The following SGCZ variants were observed in gnomAD, a reference collection of about 807,000 sequenced individuals.
SGCZ encodes the protein zeta-sarcoglycan.
Under a neutral mutation model 41.3 loss-of-function variants are expected in SGCZ, and 40 were observed. The observed-to-expected ratio is 0.97, with a 90% confidence interval of 0.75 to 1.26. The LOEUF (loss-of-function observed/expected upper bound fraction) is 1.26, where lower values mean the gene tolerates loss of function less well. Ranked by LOEUF, SGCZ falls within the 50% of genes most tolerant of loss-of-function variation. SGCZ has a pLI of 0.00. For synonymous variants in SGCZ, 206 were observed against 137.5 expected, an observed-to-expected ratio of 1.50 and a Z score of -3.49; for missense variants, 552 against 369.8, an observed-to-expected ratio of 1.49 and a Z score of -4.04.
chr8:14,416,531 C>G (rs893687806), intron 2 of SGCZ, among the ~76,000 whole-genome samples: 1 of 151,580 alleles, frequency 6.6e-6, no homozygotes, highest in Non-Finnish European at 1.5e-5. Context: ...CAGATGCCTC[C>G]GACAGAGAAA....
At chr8:14,454,523 T>C (rs958252231) in intron 2 of SGCZ, among the ~76,000 whole-genome samples, 2 of 152,030 alleles carry the variant, frequency 1.3e-5, no homozygotes, top group African/African-American at 4.8e-5. Context: ...ATACCAATAA[T>C]CTATATTAGG....
chr8:14,468,960 A>T (rs771150963), intron 2 of SGCZ, among the ~76,000 whole-genome samples: 3 of 152,102 alleles, frequency 2.0e-5, no homozygotes, highest in Non-Finnish European at 4.4e-5. Context: ...ATCCTAATTG[A>T]ATCTACTGTT....
At chr8:14,850,850 T>C (rs1335253049) in intron 1 of SGCZ, among the ~76,000 whole-genome samples, 1 of 152,192 alleles carries the variant, frequency 6.6e-6, no homozygotes, top group Non-Finnish European at 1.5e-5. Flanking sequence ...TTCTCCTTCC[T>C]GCCACCTTCT....
intron 1 of SGCZ, among the ~76,000 whole-genome samples, chr8:14,849,148 A>T (rs868773901): frequency 6.6e-6 from 1 of 152,158 alleles, no homozygotes; most frequent in Non-Finnish European, 1.5e-5. Context: ...ATACTAGAAT[A>T]TCTAAAATTA....
intron 2 of SGCZ, among the ~76,000 whole-genome samples, chr8:14,431,881 C>T (rs1799951957): frequency 6.6e-6 from 1 of 152,114 alleles, no homozygotes; most frequent in African/African-American, 2.4e-5. Context: ...TATGAATACA[C>T]AGTTCTTAAA....
chr8:14,975,955 CAT>C (rs746324097), intron 1 of SGCZ, among the ~76,000 whole-genome samples: 1 of 144,688 alleles, frequency 6.9e-6, no homozygotes, highest in Non-Finnish European at 1.5e-5. Flanking sequence ...TTTCCATAAA[CAT>C]ATATATGTGT....
At chr8:14,652,555 G>T (rs1015962606) in intron 1 of SGCZ, among the ~76,000 whole-genome samples, 1 of 151,700 alleles carries the variant, frequency 6.6e-6, no homozygotes, top group Non-Finnish European at 1.5e-5. Flanking sequence ...AGTGAATTCC[G>T]ACAGCAAGAA....
chr8:14,736,925 G>A (rs754066316), intron 1 of SGCZ, among the ~76,000 whole-genome samples: 6 of 151,826 alleles, frequency 4.0e-5, no homozygotes, highest in Non-Finnish European at 7.4e-5. Flanking sequence ...ACTTGCACAT[G>A]CATGTTTATA....
intron 1 of SGCZ, among the ~76,000 whole-genome samples, chr8:14,923,910 G>A (rs1799666776): frequency 1.3e-5 from 2 of 152,172 alleles, no homozygotes; most frequent in African/African-American, 4.8e-5. Context: ...CAAGGGATTT[G>A]AGATTCAACA....
intron 1 of SGCZ, among the ~76,000 whole-genome samples, chr8:14,851,989 T>C (rs531572608): frequency 1.3e-5 from 2 of 152,330 alleles, no homozygotes; most frequent in African/African-American, 4.8e-5. Context: ...CTTTGACCTT[T>C]GTTTTTTTCC....
intron 1 of SGCZ, among the ~76,000 whole-genome samples, chr8:14,562,582 G>T (rs559409120): frequency 6.6e-6 from 1 of 152,144 alleles, no homozygotes; most frequent in East Asian, 1.9e-4. Context: ...TGACACCTGA[G>T]ATGAGACTAA....
Position 14,087,712 on chromosome 8 carries a change from T to C in SGCZ, c.*2731A>G, listed in dbSNP as rs1457178949. On this transcript the variant is annotated 3_prime_UTR_variant, in exon 8 of 8. Transcript: ENST00000382080. Reference sequence around the variant, plus strand: ...TGTGCAATTAAGGGACCACTATATTTTTAAAAAAAAAAAAATGCTTTTTTG... The same window carrying C: ...TGTGCAATTAAGGGACCACTATATTCTTAAAAAAAAAAAAATGCTTTTTTG... 7.4e-6 allele frequency among the ~76,000 whole-genome samples: 1 copy of C among 134,974 alleles called. No individual in the cohort carries two copies. The highest frequency in any genetic ancestry group is 1.6e-5 in the Non-Finnish European group (1 of 62,006). 88.5% of individuals were successfully genotyped at this position (134,974 alleles called of 152,430 possible).
In SGCZ at chr8:14,807,176, C is replaced by G. The variant is rs376531903; in HGVS notation, c.40-252250G>C. Among the ~76,000 whole-genome samples, 34 of 151,866 alleles carry G rather than the reference C, an allele frequency of 2.2e-4. No individual in the cohort carries two copies. The East Asian group carries it at 2.7e-3, about 12-fold the overall frequency. On this transcript the variant is annotated intron_variant, in intron 1 of 7. Coordinates refer to ENST00000382080, the MANE Select transcript of SGCZ (RefSeq NM_139167.4). ...TCCCTTTGAAAACTGGCACAAGACA[C>G]GGATGCCCTCTCTCACCACTCCTAT...
chr8:14,516,419 C>T (rs1281205297), intron 2 of SGCZ, among the ~76,000 whole-genome samples: 1 of 151,830 alleles, frequency 6.6e-6, no homozygotes, highest in African/African-American at 2.4e-5. Context: ...GGTGAAAATC[C>T]AAAATAAAAT....
intron 1 of SGCZ, among the ~76,000 whole-genome samples, chr8:15,054,551 C>T (rs1804633345): frequency 6.6e-6 from 1 of 152,138 alleles, no homozygotes; most frequent in Non-Finnish European, 1.5e-5. Flanking sequence ...TGAAACGAAG[C>T]CGTAGTATAT....
At chr8:14,300,874 C>A (rs1422688097) in intron 3 of SGCZ, among the ~76,000 whole-genome samples, 1 of 151,744 alleles carries the variant, frequency 6.6e-6, no homozygotes, top group Non-Finnish European at 1.5e-5. Flanking sequence ...GGATATTAAC[C>A]CCTTACCAGA....
At chr8:14,639,078 G>A (rs146148821) in intron 1 of SGCZ, among the ~76,000 whole-genome samples, 1 of 108,262 alleles carries the variant, frequency 9.2e-6, no homozygotes, top group African/African-American at 3.4e-5. Context: ...AGGGAATTTT[G>A]CTCTGTCACC....
intron 1 of SGCZ, among the ~76,000 whole-genome samples, chr8:15,010,184 C>A (rs1429940785): frequency 6.6e-6 from 1 of 152,080 alleles, no homozygotes; most frequent in Admixed American, 6.5e-5. Flanking sequence ...AGAACACAAA[C>A]TAAACATTTG....
intron 5 of SGCZ, among the ~76,000 whole-genome samples, chr8:14,157,411 G>C (rs1228701929): frequency 6.8e-6 from 1 of 147,234 alleles, no homozygotes; most frequent in East Asian, 2.0e-4. Flanking sequence ...GCCCATAGAA[G>C]CATCTCCCAA....
Sources: gnomAD v4.1 joint callset for allele counts (sites outside exome capture counted in the v4.1 genomes callset) on GRCh38, gnomAD v4.1.1 for gene constraint, MANE v1.5 for transcripts, NCBI Gene and HGNC (gene_info 2026-07-23, HGNC 2026-07-21) for gene names.